SNX10: variants seen among roughly 807,000 people sequenced by gnomAD.
SNX10 encodes sorting nexin 10.
A neutral mutation model predicts 28.5 loss-of-function variants in SNX10; 25 were observed. The ratio of observed to expected loss-of-function variants is 0.88; its 90% CI spans 0.64 to 1.22. The LOEUF (loss-of-function observed/expected upper bound fraction) is 1.22, where lower values mean the gene tolerates loss of function less well. Among genes scored for constraint, SNX10 ranks in the 50% most tolerant of loss-of-function variants. The pLI is 0.00. For synonymous variants in SNX10, 62 were observed against 81.4 expected (o/e 0.76, Z 1.28); for missense variants, 223 against 242.6 (o/e 0.92, Z 0.54).
intron 1 of SNX10, among the ~76,000 whole-genome samples, chr7:26,342,751 T>C (rs1462767211): frequency 6.6e-6 from 1 of 152,204 alleles, no homozygotes; most frequent in Non-Finnish European, 1.5e-5. Flanking sequence ...CTGTGATGTT[T>C]TGGAACAACT....
chr7:26,326,641 ACT>A (rs1787514568), intron 1 of SNX10, among the ~76,000 whole-genome samples: 1 of 152,228 alleles, frequency 6.6e-6, no homozygotes, highest in Non-Finnish European at 1.5e-5. Context: ...TTACCTGTTA[ACT>A]TTTCCATTTC....
chr7:26,302,542 C>G (rs187450693), intron 1 of SNX10, among the ~76,000 whole-genome samples: 8 of 152,326 alleles, frequency 5.3e-5, no homozygotes, highest in Non-Finnish European at 1.0e-4. Flanking sequence ...CAGTACGCCC[C>G]AGCCTGGCCT....
chr7:26,351,170 C>T (rs944312779), intron 2 of SNX10, among the ~76,000 whole-genome samples: 1 of 152,150 alleles, frequency 6.6e-6, no homozygotes, highest in Non-Finnish European at 1.5e-5. Flanking sequence ...AATACTTCAC[C>T]AGCTCTGATT....
chr7:26,304,909 G>T (rs1298404217), intron 1 of SNX10, among the ~76,000 whole-genome samples: 1 of 152,142 alleles, frequency 6.6e-6, no homozygotes. Flanking sequence ...GAACCCACAG[G>T]TCCATGGCCC....
chr7:26,338,110 C>CTTTTT (rs55920968), intron 1 of SNX10, among the ~76,000 whole-genome samples: 4 of 129,252 alleles, frequency 3.1e-5, no homozygotes, highest in Non-Finnish European at 4.8e-5. Context: ...TTCCTTTGTC[C>CTTTTT]TTTTTTTTTT....
At chr7:26,338,786 G>A (rs13243466) in intron 1 of SNX10, among the ~76,000 whole-genome samples, 28,470 of 151,972 alleles carry the variant, frequency 0.19, 3,131 homozygotes, top group East Asian at 0.44. Flanking sequence ...AGATGGAATC[G>A]TAGGGGGGTC....
At chr7:26,297,696 C>T (rs971277861) in intron 1 of SNX10, among the ~76,000 whole-genome samples, 1 of 152,054 alleles carries the variant, frequency 6.6e-6, no homozygotes, top group Non-Finnish European at 1.5e-5. Context: ...CCATACCTGC[C>T]CCTTTGTTTG....
At chr7:26,296,129 T>C (rs1786100580) in intron 1 of SNX10, among the ~76,000 whole-genome samples, 1 of 151,772 alleles carries the variant, frequency 6.6e-6, no homozygotes, top group African/African-American at 2.4e-5. Flanking sequence ...AATTAGACTC[T>C]GTCTCATAAA....
rs370325608 is a variant in SNX10 at position 26,349,682 on chromosome 7, T to G, written c.24+3216T>G. ...ATGGACCCAACTGAATCAACTCTTCTGTTTAATGAGACAGAACCCAGACTC... is the reference window on the plus strand; with the variant it reads ...ATGGACCCAACTGAATCAACTCTTCGGTTTAATGAGACAGAACCCAGACTC... On this transcript the variant is annotated intron_variant, in intron 2 of 6. Coordinates refer to ENST00000338523, the MANE Select transcript of SNX10 (RefSeq NM_013322.3). 1.0e-4 allele frequency among the ~76,000 whole-genome samples: 15 copies of G among 144,596 alleles called. No homozygotes were observed. The South Asian group carries it at 3.1e-3, about 30-fold the overall frequency. 94.9% of individuals were successfully genotyped at this position (144,596 alleles called of 152,430 possible).
intron 2 of SNX10, among the ~76,000 whole-genome samples, chr7:26,351,911 C>T (rs1788623877): frequency 6.6e-6 from 1 of 152,054 alleles, no homozygotes; most frequent in Non-Finnish European, 1.5e-5. Context: ...CCGCCTCGGC[C>T]TCCCAAAGTG....
intron 2 of SNX10, among the ~76,000 whole-genome samples, chr7:26,352,038 A>C (rs1467114470): frequency 3.3e-5 from 5 of 152,152 alleles, no homozygotes; most frequent in Non-Finnish European, 2.9e-5. Context: ...CAGCATGCTA[A>C]TATAAAATGT....
At chr7:26,354,675 C>T (rs776497648) in intron 2 of SNX10, among the ~76,000 whole-genome samples, 7 of 138,178 alleles carry the variant, frequency 5.1e-5, no homozygotes, top group Non-Finnish European at 9.4e-5. Context: ...GCCACCTCAC[C>T]CGTCTGATAG....
At chr7:26,325,773 G>C (rs535771474) in intron 1 of SNX10, among the ~76,000 whole-genome samples, 242 of 151,150 alleles carry the variant, frequency 1.6e-3, no homozygotes, top group African/African-American at 5.6e-3. Flanking sequence ...TGTTGCCCAG[G>C]CTGGAGTGCA....
At chr7:26,319,482 A>G (rs941071429) in intron 1 of SNX10, among the ~76,000 whole-genome samples, 13 of 152,202 alleles carry the variant, frequency 8.5e-5, no homozygotes, top group Non-Finnish European at 1.6e-4. Context: ...TTATAAATAA[A>G]TGATATGTTC....
Position 26,345,630 on chromosome 7 carries a change from G to A in SNX10, c.-23-790G>A, listed in dbSNP as rs564369561. 5.9e-5 allele frequency among the ~76,000 whole-genome samples: 9 copies of A among 152,248 alleles called. No individual in the cohort carries two copies. The East Asian group carries it at 1.7e-3, about 29-fold the overall frequency. The stretch of plus-strand genomic sequence containing the variant: ...TAGAGACTCTGGGAATACGTGTGGG[G>A]GATAATAGGGACCCGGAAAGTGGGC... On this transcript the variant is annotated intron_variant, in intron 1 of 6. Coordinates refer to ENST00000338523, the MANE Select transcript of SNX10 (RefSeq NM_013322.3).
At chr7:26,348,423 C>G (rs1291645554) in intron 2 of SNX10, among the ~76,000 whole-genome samples, 2 of 152,238 alleles carry the variant, frequency 1.3e-5, no homozygotes, top group East Asian at 3.8e-4. Flanking sequence ...GAAAAACTCA[C>G]AGAACTCAGA....
intron 5 of SNX10, chr7:26,370,873 T>C (rs1379261294): frequency 6.6e-6 from 1 of 152,202 alleles, no homozygotes; most frequent in Non-Finnish European, 1.5e-5. Flanking sequence ...TACATAATTA[T>C]TGAACTATCA....
At position 26,365,244 on chromosome 7, in the gene SNX10, A is replaced by G; in HGVS notation, c.311+99A>G. On this transcript the variant is annotated intron_variant, in intron 5 of 6. Coordinates refer to ENST00000338523, the MANE Select transcript of SNX10 (RefSeq NM_013322.3). ...GGGGAAGAGTGTTCCTGTTTCTGAA[A>G]TGCAAATAATCTGCACTAGAGCAAA... 4.1e-6 allele frequency: 3 copies of G among 729,240 alleles called. No homozygotes were observed. The South Asian group carries it at 4.8e-5, about 12-fold the overall frequency. The allele number at this position is 729,240 out of a possible 1,614,324, so 45.2% of individuals were successfully genotyped here.
At chr7:26,304,294 A>G (rs1054338615) in intron 1 of SNX10, among the ~76,000 whole-genome samples, 5 of 152,132 alleles carry the variant, frequency 3.3e-5, no homozygotes, top group Admixed American at 2.6e-4. Context: ...CCCACTTCTG[A>G]GCTCTCTGAA....
Sources: allele counts gnomAD v4.1 joint callset (sites outside exome capture counted in the v4.1 genomes callset), GRCh38; gene constraint gnomAD v4.1.1; transcripts MANE v1.5; gene names NCBI Gene and HGNC (gene_info 2026-07-23, HGNC 2026-07-21).